The following PIK3CD variants were observed in gnomAD, a reference collection of about 807,000 sequenced individuals.
PIK3CD encodes the protein phosphatidylinositol 4,5-bisphosphate 3-kinase catalytic subunit delta isoform.
PIK3CD carries 20 observed loss-of-function variants against 122.9 expected under a neutral mutation model. The observed-to-expected ratio is 0.16, with a 90% CI of 0.11 to 0.24. The LOEUF is 0.24. Among genes scored for constraint, PIK3CD ranks in the 10% least tolerant of loss-of-function variants. The pLI is 1.00. For synonymous variants in PIK3CD, 596 were observed against 593.4 expected (o/e 1.00, Z -0.06); for missense variants, 787 against 1,406.3 (o/e 0.56, Z 7.04).
chr1:9,696,996 GGAGATTGCAGT>G (rs1319743769), intron 2 of PIK3CD, among the ~76,000 whole-genome samples: 1 of 150,940 alleles, frequency 6.6e-6, no homozygotes, highest in Non-Finnish European at 1.5e-5. Context: ...CTGAGGAGGC[GGAGATTGCAGT>G]GAGCTGTACT....
chr1:9,666,178 T>G (rs1318012399), intron 1 of PIK3CD, among the ~76,000 whole-genome samples: 1 of 136,272 alleles, frequency 7.3e-6, no homozygotes, highest in African/African-American at 2.7e-5. Context: ...TCCACCCACC[T>G]CAGCCTCCCA....
At chr1:9,711,923 G>GTTTTTTTTT (rs1647068373) in intron 3 of PIK3CD, among the ~76,000 whole-genome samples, 1 of 151,226 alleles carries the variant, frequency 6.6e-6, no homozygotes. Flanking sequence ...TTGAGATGGA[G>GTTTTTTTTT]TCCCGCTCTG....
chr1:9,655,950 G>A (rs868142997), intron 1 of PIK3CD, among the ~76,000 whole-genome samples: 36 of 152,262 alleles, frequency 2.4e-4, no homozygotes, highest in African/African-American at 8.4e-4. Flanking sequence ...GCCCACCTTG[G>A]CCTCCCAGAG....
chr1:9,678,750 A>G (rs1165876307), intron 1 of PIK3CD, among the ~76,000 whole-genome samples: 7 of 152,194 alleles, frequency 4.6e-5, no homozygotes, highest in Non-Finnish European at 1.0e-4. Context: ...CAACCTATTC[A>G]AAGTCTGTCT....
intron 2 of PIK3CD, among the ~76,000 whole-genome samples, chr1:9,693,575 A>C (rs1296618964): frequency 6.6e-6 from 1 of 152,152 alleles, no homozygotes; most frequent in East Asian, 1.9e-4. Flanking sequence ...TTTATTAGTA[A>C]GTATTATTAT....
At chr1:9,643,795 G>T in the PIK3CD span, among the ~76,000 whole-genome samples, 1 of 152,206 alleles carries the variant, frequency 6.6e-6, no homozygotes, top group African/African-American at 2.4e-5. Context: ...CTCCACAGTG[G>T]CAGGGCCAGG....
At chr1:9,645,510 G>A in the PIK3CD span, among the ~76,000 whole-genome samples, 1 of 151,816 alleles carries the variant, frequency 6.6e-6, no homozygotes, top group Non-Finnish European at 1.5e-5. Context: ...CCAGGCTGGA[G>A]TGCAATGGCA....
In PIK3CD at chr1:9,718,938, A is replaced by AG; in HGVS notation, c.1242+27dup. ...GCGGTGGGTCCCAGGGCCGGCTGGGAGGGGTGCAGACCCCGGAGAGCCAGT... is the reference window on the plus strand; with the variant it reads ...GCGGTGGGTCCCAGGGCCGGCTGGGAGGGGGTGCAGACCCCGGAGAGCCAGT... On this transcript the variant is annotated intron_variant, in intron 9 of 23. Transcript: ENST00000377346. This position sits in a 1 kb window ranked among gnomAD's most constrained non-coding sequence, Gnocchi z 7.2. The AG allele has an allele frequency of 6.2e-7, 1 of 1,605,396 alleles. No individual in the cohort carries two copies. Among genetic ancestry groups the AG allele is most frequent in the Middle Eastern group, 1.7e-4 (1 of 6,040 alleles).
chr1:9,639,920 T>G, the PIK3CD span, among the ~76,000 whole-genome samples: 1 of 152,016 alleles, frequency 6.6e-6, no homozygotes, highest in African/African-American at 2.4e-5. Flanking sequence ...GTTTTTATTT[T>G]TAGTGGAGAC....
the PIK3CD span, among the ~76,000 whole-genome samples, chr1:9,635,308 C>G: frequency 2.0e-5 from 3 of 151,132 alleles, 1 homozygote; most frequent in East Asian, 5.8e-4. Context: ...GAACCAGGAG[C>G]TGAAAAGATG....
chr1:9,683,484 C>G (rs909797920), intron 1 of PIK3CD, among the ~76,000 whole-genome samples: 43 of 151,760 alleles, frequency 2.8e-4, no homozygotes, highest in African/African-American at 1.0e-3. Flanking sequence ...AAAAAACGAG[C>G]CTTGTGCCTT....
chr1:9,697,690 G>A (rs184844511), intron 2 of PIK3CD, among the ~76,000 whole-genome samples: 34 of 150,792 alleles, frequency 2.3e-4, no homozygotes, highest in East Asian at 1.4e-3. Flanking sequence ...TCATGATCAC[G>A]CCATTGCACT....
In PIK3CD at chr1:9,722,457, G is replaced by T. The variant is rs1446690276; in HGVS notation, c.2348-71G>T. On this transcript the variant is annotated intron_variant, in intron 18 of 23. Coordinates refer to ENST00000377346, the MANE Select transcript of PIK3CD (RefSeq NM_005026.5). The surrounding 1 kb of genome is among the most constrained non-coding windows in gnomAD (Gnocchi z 7.6). ...GAAGACAGAATCCTGGGACTTAAGG[G>T]CTTGGGTGTAGCTGGAAGCAGAGAA... is the stretch of plus-strand genomic sequence containing the variant. The T allele has an allele frequency of 2.2e-5, 34 of 1,547,670 alleles. No homozygotes were observed. Among genetic ancestry groups the T allele is most frequent in the Non-Finnish European group, 2.9e-5 (32 of 1,120,358 alleles).
At chr1:9,641,660 T>C in the PIK3CD span, among the ~76,000 whole-genome samples, 1 of 152,022 alleles carries the variant, frequency 6.6e-6, no homozygotes, top group Non-Finnish European at 1.5e-5. Context: ...GAATCAAGTA[T>C]AAGGGGCACC....
chr1:9,642,728 A>C, the PIK3CD span, among the ~76,000 whole-genome samples: 9 of 151,430 alleles, frequency 5.9e-5, no homozygotes, highest in Non-Finnish European at 1.0e-4. Context: ...AAAAAAAAAA[A>C]AAAAAACTTG....
intron 2 of PIK3CD, among the ~76,000 whole-genome samples, chr1:9,695,337 A>C (rs1248181753): frequency 6.6e-6 from 1 of 152,212 alleles, no homozygotes; most frequent in Non-Finnish European, 1.5e-5. Flanking sequence ...AGTATGTAGG[A>C]AACAATTCTA....
At chr1:9,685,312 T>G (rs1418270175) in intron 1 of PIK3CD, among the ~76,000 whole-genome samples, 3 of 152,154 alleles carry the variant, frequency 2.0e-5, no homozygotes, top group East Asian at 3.8e-4. Context: ...GTTTGTTTGT[T>G]TGTTTTTGGT....
At chr1:9,705,275 A>C (rs1457590286) in intron 2 of PIK3CD, among the ~76,000 whole-genome samples, 2 of 150,046 alleles carry the variant, frequency 1.3e-5, no homozygotes, top group Admixed American at 6.7e-5. Flanking sequence ...GTTTGGGACC[A>C]GTCTCTACTA....
chr1:9,727,219 T>A lies in PIK3CD; in HGVS notation c.*173T>A. The A allele has an allele frequency of 1.3e-6, 1 of 746,988 alleles. No individual in the cohort carries two copies. The highest frequency in any genetic ancestry group is 2.2e-6 in the Non-Finnish European group (1 of 452,962). 46.3% of individuals were successfully genotyped at this position (746,988 alleles called of 1,614,324 possible). On this transcript the variant is annotated 3_prime_UTR_variant, in exon 24 of 24. Coordinates refer to ENST00000377346, the MANE Select transcript of PIK3CD (RefSeq NM_005026.5). ...TATGACTTGAAATAGTTTAAGGAGC[T>A]AAACAGCCATAAACGGAAACGCCTC...
Sources: gnomAD v4.1 joint callset for allele counts (sites outside exome capture counted in the v4.1 genomes callset) on GRCh38, gnomAD v4.1.1 for gene constraint, Gnocchi (gnomAD v3.1) non-coding constraint, MANE v1.5 for transcripts, NCBI Gene and HGNC (gene_info 2026-07-23, HGNC 2026-07-21) for gene names.